Variants in SNAPC3 observed in about 807,000 individuals in gnomAD.
SNAPC3 encodes small nuclear RNA activating complex polypeptide 3.
In SNAPC3, 56 loss-of-function variants were observed where a neutral mutation model predicts 47.7. The ratio of observed to expected loss-of-function variants is 1.18; its 90% CI spans 0.95 to 1.47. The LOEUF (loss-of-function observed/expected upper bound fraction) is 1.47. SNAPC3 is among the 40% of genes most tolerant of loss of function. SNAPC3 has a pLI of 0.00. For synonymous variants in SNAPC3, 235 were observed against 189.9 expected, an observed-to-expected ratio of 1.24 and a Z score of -1.95; for missense variants, 665 against 511.3, an observed-to-expected ratio of 1.30 and a Z score of -2.90.
chr9:15,432,989 A>T (rs566246524), intron 2 of SNAPC3, among the ~76,000 whole-genome samples: 31 of 152,344 alleles, frequency 2.0e-4, no homozygotes, highest in African/African-American at 6.7e-4. Flanking sequence ...CAAGCTAAAC[A>T]TCACTAGTAA....
chr9:15,459,483 C>G (rs992429589), intron 8 of SNAPC3, among the ~76,000 whole-genome samples: 1 of 152,154 alleles, frequency 6.6e-6, no homozygotes, highest in East Asian at 1.9e-4. Context: ...GTAAGTATTA[C>G]AGAGAAACAG....
At chr9:15,446,611 C>T (rs145418586) in intron 4 of SNAPC3, among the ~76,000 whole-genome samples, 2 of 152,196 alleles carry the variant, frequency 1.3e-5, no homozygotes, top group East Asian at 3.9e-4. Context: ...GGAGGGGGCA[C>T]ACCATGTAGG....
At chr9:15,450,630 T>G (rs1459214792) in intron 5 of SNAPC3, among the ~76,000 whole-genome samples, 1 of 152,240 alleles carries the variant, frequency 6.6e-6, no homozygotes, top group African/African-American at 2.4e-5. Flanking sequence ...AGGACCAGTT[T>G]AACAGAGTGC....
chr9:15,454,867 G>C (rs2034657899), intron 7 of SNAPC3, among the ~76,000 whole-genome samples: 1 of 152,150 alleles, frequency 6.6e-6, no homozygotes. Flanking sequence ...CCGGGAGGTG[G>C]AGCATGCAGT....
In SNAPC3 at chr9:15,424,027, T is replaced by C. The variant is rs765794742; in HGVS notation, c.392+41T>C. The C allele has an allele frequency of 1.7e-5, 20 of 1,166,002 alleles. No individual in the cohort carries two copies. In the South Asian group the frequency reaches 2.8e-4, roughly 16 times the overall value. 72.2% of individuals were successfully genotyped at this position (1,166,002 alleles called of 1,614,324 possible). A position where few individuals can be genotyped will look rare whatever the true frequency, so the allele number is the denominator to read the frequency against. On this transcript the variant is annotated intron_variant, in intron 2 of 8. Coordinates refer to ENST00000380821, the MANE Select transcript of SNAPC3 (RefSeq NM_001039697.2). The stretch of plus-strand genomic sequence containing the variant: ...TTTTTATGACCTATTTATTTAAACA[T>C]TTTTTCAACATTATGTTTTGAAAAG...
Position 15,451,380 on chromosome 9 carries a change from C to G in SNAPC3, c.793C>G (p.Pro265Ala). 5 of 1,540,476 alleles carry G rather than the reference C, an allele frequency of 3.2e-6. No individual in the cohort carries two copies. Among genetic ancestry groups the G allele is most frequent in the Non-Finnish European group, 4.4e-6 (5 of 1,125,708 alleles). ...AACATTTTATAATGATAAAAGATAC[C>G]CAGAATGCAGAGATTTGAGCAGGTA... ...EGTFYNDKRY[P>A]ECRDLSRTII... Residue 265 changes from proline (P) to alanine (A), a missense_variant, in exon 6 of 9, where the codon CCA (proline) becomes GCA (alanine). Pro to Ala is a conservative substitution (Grantham distance 27). Transcript: ENST00000380821.
chr9:15,438,381 C>T (rs780447259), intron 3 of SNAPC3, among the ~76,000 whole-genome samples: 8 of 151,974 alleles, frequency 5.3e-5, no homozygotes, highest in Non-Finnish European at 1.2e-4. Flanking sequence ...TCAGTCAGTG[C>T]AGTAAAAGTT....
chr9:15,423,685 C>T (rs554613616), intron 1 of SNAPC3, among the ~76,000 whole-genome samples: 2 of 152,284 alleles, frequency 1.3e-5, no homozygotes, highest in Non-Finnish European at 1.5e-5. Flanking sequence ...ATAAAAATAA[C>T]TTTAATCTCT....
intron 3 of SNAPC3, among the ~76,000 whole-genome samples, chr9:15,437,077 G>A (rs567353428): frequency 6.6e-6 from 1 of 151,866 alleles, no homozygotes; most frequent in East Asian, 1.9e-4. Flanking sequence ...CGCCTGCCTC[G>A]GCCTCCCAAA....
At chr9:15,448,090 G>A (rs1409804008) in intron 5 of SNAPC3, among the ~76,000 whole-genome samples, 1 of 152,116 alleles carries the variant, frequency 6.6e-6, no homozygotes, top group African/African-American at 2.4e-5. Flanking sequence ...TTCAGGGGAG[G>A]GATAGCATCT....
chr9:15,465,469 G>A (rs934154112), downstream of SNAPC3: 7 of 1,434,670 alleles, frequency 4.9e-6, no homozygotes, highest in Non-Finnish European at 5.8e-6. Flanking sequence ...TATTTCAAAT[G>A]AAAACCATTA....
chr9:15,458,076 T>C lies in SNAPC3; in HGVS notation c.1088+9T>C. ...AAAATGTATACAGCCAGGTGAGTGA[T>C]AATGTATTTTTTTTTTTCTCTGAGA... On this transcript the variant is annotated intron_variant, in intron 8 of 8. Transcript: ENST00000380821. 4 of 1,365,456 alleles carry C rather than the reference T, an allele frequency of 2.9e-6. No homozygotes were observed. Among genetic ancestry groups the C allele is most frequent in the South Asian group, 1.3e-5 (1 of 74,616 alleles). The allele number at this position is 1,365,456 out of a possible 1,614,324, so 84.6% of individuals were successfully genotyped here. A position where few individuals can be genotyped will look rare whatever the true frequency, so the allele number is the denominator to read the frequency against.
chr9:15,458,761 T>C (rs1306177692), intron 8 of SNAPC3, among the ~76,000 whole-genome samples: 1 of 151,580 alleles, frequency 6.6e-6, no homozygotes, highest in Non-Finnish European at 1.5e-5. Context: ...AAAAAACATA[T>C]AAAAAAAATC....
chr9:15,454,859 G>A (rs570182703), intron 7 of SNAPC3, among the ~76,000 whole-genome samples: 36 of 152,256 alleles, frequency 2.4e-4, no homozygotes, highest in African/African-American at 7.7e-4. Context: ...GCGTGAACCC[G>A]GGAGGTGGAG....
chr9:15,428,738 C>A (rs764794541), intron 2 of SNAPC3, among the ~76,000 whole-genome samples: 5 of 151,262 alleles, frequency 3.3e-5, no homozygotes, highest in Non-Finnish European at 5.9e-5. Flanking sequence ...TTGTAAGATA[C>A]CTAAGGGAAA....
rs752711361 is a variant in SNAPC3 at position 15,453,083 on chromosome 9, A to G, written c.858A>G (p.Gly286=). 6.2e-7 allele frequency: 1 copy of G among 1,613,768 alleles called. No individual in the cohort carries two copies. Among genetic ancestry groups the G allele is most frequent in the Non-Finnish European group, 8.5e-7 (1 of 1,179,698 alleles). ...EWSESHDRGY[G]KFQTARMEDF... ...CAGAGTCCCATGATAGAGGCTATGG[A>G]AAGTTTCAGACTGCTAGAATGGAAG... Residue 286 remains glycine, a synonymous_variant, in exon 7 of 9, where the codon GGA becomes GGG. Coordinates refer to ENST00000380821, the MANE Select transcript of SNAPC3 (RefSeq NM_001039697.2).
rs1323462293 is a variant in SNAPC3 at position 15,444,617 on chromosome 9, G to GGA, written c.494_495dup (p.Lys166GlufsTer10). On this transcript the variant is annotated frameshift_variant, in exon 4 of 9. Transcript: ENST00000380821. LOFTEE classifies it high-confidence loss of function. ...CTTTCTTCAGGAGTCACATGCCATA[G>GGA]GAAAAAAGCCTGAAAATTCAGCAGA... is the stretch of plus-strand genomic sequence containing the variant. 7 of 1,609,914 alleles carry GGA rather than the reference G, an allele frequency of 4.3e-6. No individual in the cohort carries two copies. The highest frequency in any genetic ancestry group is 3.3e-4 in the Middle Eastern group (2 of 6,056).
chr9:15,432,685 A>G (rs188530772), intron 2 of SNAPC3, among the ~76,000 whole-genome samples: 1 of 152,354 alleles, frequency 6.6e-6, no homozygotes, highest in Non-Finnish European at 1.5e-5. Context: ...AATAGAAATG[A>G]TGAAATAAAC....
At chr9:15,427,729 G>C (rs1169263861) in intron 2 of SNAPC3, among the ~76,000 whole-genome samples, 2 of 152,120 alleles carry the variant, frequency 1.3e-5, no homozygotes, top group Non-Finnish European at 2.9e-5. Context: ...AGAAAGCACT[G>C]TTTACAGGTC....
Sources: allele counts gnomAD v4.1 joint callset (sites outside exome capture counted in the v4.1 genomes callset), GRCh38; gene constraint gnomAD v4.1.1; transcripts MANE v1.5; gene names NCBI Gene and HGNC (gene_info 2026-07-23, HGNC 2026-07-21).